Variants in MATR3 observed in about 807,000 individuals in gnomAD.
MATR3 encodes matrin-3.
In MATR3, 4 loss-of-function variants were observed where a neutral mutation model predicts 85.5. That is an observed-to-expected ratio of 0.05 (90% CI 0.02 to 0.11). The LOEUF (loss-of-function observed/expected upper bound fraction) is 0.11, where lower values mean the gene tolerates loss of function less well. MATR3 is among the 10% of genes least tolerant of loss of function. The probability of loss-of-function intolerance (pLI) is 1.00; values close to 1 mark genes in which losing one functional copy is unlikely to be tolerated. For missense variants in MATR3, 685 were observed against 1,016.1 expected (o/e 0.67, Z 4.43); for synonymous variants, 336 against 343.1 (o/e 0.98, Z 0.23).
chr5:139,288,163 A>G (rs1451713488), intron 3 of MATR3, among the ~76,000 whole-genome samples: 2 of 152,206 alleles, frequency 1.3e-5, no homozygotes, highest in Non-Finnish European at 2.9e-5. Context: ...ACAGTGAGCC[A>G]AGATGGCACT....
At chr5:139,277,928 T>C (rs1753353352) in intron 2 of MATR3, among the ~76,000 whole-genome samples, 1 of 152,054 alleles carries the variant, frequency 6.6e-6, no homozygotes, top group South Asian at 2.1e-4. Flanking sequence ...TAGTATCTTT[T>C]AGCAATTTTG....
chr5:139,314,500 A>G (rs556621032), intron 2 of MATR3, 175 bp from the exon 3 acceptor site: 1 of 610,724 alleles, frequency 1.6e-6, no homozygotes, highest in South Asian at 1.7e-5. Context: ...GGCAGGATCA[A>G]GCCTCAAGGA....
chr5:139,292,603 G>T (rs1753913959), upstream of MATR3, among the ~76,000 whole-genome samples: 2 of 152,148 alleles, frequency 1.3e-5, no homozygotes, highest in Admixed American at 1.3e-4. Flanking sequence ...ACCAAAAGGC[G>T]GCGGTGGTCT....
At chr5:139,295,692 G>T (rs2151925013) in intron 1 of MATR3, among the ~76,000 whole-genome samples, 1 of 152,334 alleles carries the variant, frequency 6.6e-6, no homozygotes, top group South Asian at 2.1e-4. Flanking sequence ...TGCAACGGTG[G>T]TGTCGTATTT....
At chr5:139,323,622 A>C (rs1263975692) in intron 12 of MATR3, among the ~76,000 whole-genome samples, 1 of 152,214 alleles carries the variant, frequency 6.6e-6, no homozygotes, top group Non-Finnish European at 1.5e-5. Context: ...AAAATGTCGG[A>C]GTCAGGCGGG....
At chr5:139,321,045 G>A (rs1262658717) in intron 9 of MATR3, among the ~76,000 whole-genome samples, 7 of 151,070 alleles carry the variant, frequency 4.6e-5, no homozygotes, top group South Asian at 4.2e-4. Flanking sequence ...CTGAGCCACC[G>A]CGCCCAGCCA....
upstream of MATR3, among the ~76,000 whole-genome samples, chr5:139,289,482 CCTT>C (rs1753806877): frequency 1.3e-5 from 2 of 152,326 alleles, no homozygotes; most frequent in South Asian, 4.1e-4. Flanking sequence ...ATATAAATTT[CCTT>C]CTTGCAGCTC....
chr5:139,329,439 T>C lies in MATR3; in HGVS notation c.*44T>C. On this transcript the variant is annotated 3_prime_UTR_variant, in exon 15 of 15. Transcript: ENST00000394805. ...ATGATTTCAAAGAAAATAATGGTTC[T>C]TTGTTTTTAATGTTAACCTTTTTTA... The C allele has an allele frequency of 6.6e-7, 1 of 1,512,960 alleles. No homozygotes were observed. 93.7% of individuals were successfully genotyped at this position (1,512,960 alleles called of 1,614,324 possible).
At chr5:139,284,864 T>C (rs1753652874) in intron 3 of MATR3, among the ~76,000 whole-genome samples, 1 of 152,218 alleles carries the variant, frequency 6.6e-6, no homozygotes, top group Non-Finnish European at 1.5e-5. Flanking sequence ...TATGTTATTA[T>C]TCTGGGGTTC....
intron 3 of MATR3, chr5:139,279,353 C>A (rs1047042269): frequency 6.2e-6 from 2 of 322,372 alleles, no homozygotes; most frequent in Non-Finnish European, 1.2e-5. Flanking sequence ...CTCAGCCTCC[C>A]GAGTAGCTGG....
intron 7 of MATR3, 94 bp downstream of exon 7, chr5:139,317,815 C>T: frequency 8.0e-6 from 10 of 1,250,552 alleles, no homozygotes; most frequent in Non-Finnish European, 1.1e-5. Context: ...AAATAAAACT[C>T]AAGGTAATCT....
chr5:139,306,266 C>T (rs7724324), intron 1 of MATR3, among the ~76,000 whole-genome samples: 4 of 152,122 alleles, frequency 2.6e-5, no homozygotes, highest in African/African-American at 7.2e-5. Flanking sequence ...TCTAGAAACA[C>T]GTCTTGGGGG....
intron 13 of MATR3, among the ~76,000 whole-genome samples, chr5:139,325,937 GTTGT>G (rs1755832196): frequency 6.6e-6 from 1 of 151,788 alleles, no homozygotes; most frequent in African/African-American, 2.4e-5. Flanking sequence ...GCTTTTCTGT[GTTGT>G]TTTTCTGTAT....
At chr5:139,278,346 A>G in intron 2 of MATR3, 1 of 453,996 alleles carries the variant, frequency 2.2e-6, no homozygotes, top group African/African-American at 2.0e-5. Flanking sequence ...AAAGTAGGGC[A>G]TCCTTCACCC....
At chr5:139,304,179 T>C (rs973531691) in intron 1 of MATR3, among the ~76,000 whole-genome samples, 4 of 152,208 alleles carry the variant, frequency 2.6e-5, no homozygotes, top group Non-Finnish European at 4.4e-5. Flanking sequence ...TTGAGTTGCC[T>C]ATAAAAATGA....
At chr5:139,303,379 C>T (rs552933416) in intron 1 of MATR3, among the ~76,000 whole-genome samples, 25 of 152,136 alleles carry the variant, frequency 1.6e-4, no homozygotes, top group Non-Finnish European at 2.9e-4. Flanking sequence ...GGATTACAGG[C>T]GTGAGCCACT....
chr5:139,292,286 T>G (rs1287699003), upstream of MATR3, among the ~76,000 whole-genome samples: 1 of 152,134 alleles, frequency 6.6e-6, no homozygotes, highest in Non-Finnish European at 1.5e-5. Flanking sequence ...AATGTCTCAG[T>G]TTTGTGATCT....
At chr5:139,313,602 GAATAA>G (rs1173195589) in intron 2 of MATR3, 2 of 151,950 alleles carry the variant, frequency 1.3e-5, no homozygotes, top group African/African-American at 4.8e-5. Context: ...AAATTTATTT[GAATAA>G]AATAAGAGTT....
At position 139,317,562 on chromosome 5, in the gene MATR3, C is replaced by A. The variant is rs770543539; in HGVS notation, c.1183-34C>A. On this transcript the variant is annotated intron_variant, in intron 6 of 14. Coordinates refer to ENST00000394805, the MANE Select transcript of MATR3 (RefSeq NM_018834.6). ...TTGGTTTCATATTGCTTTAAAGAGA[C>A]TTAATTGCTTGGTTTTTTTCCCCTA... The A allele has an allele frequency of 1.9e-6, 3 of 1,609,972 alleles. No homozygotes were observed. In the Admixed American group the frequency reaches 5.0e-5, roughly 27 times the overall value.
Sources: allele counts gnomAD v4.1 joint callset (sites outside exome capture counted in the v4.1 genomes callset), GRCh38; gene constraint gnomAD v4.1.1; transcripts MANE v1.5; gene names NCBI Gene and HGNC (gene_info 2026-07-23, HGNC 2026-07-21).